Variants in CNTN5 observed in about 807,000 individuals in gnomAD.
CNTN5 encodes contactin 5, also known as contactin-5.
Under a neutral mutation model 129.1 loss-of-function variants are expected in CNTN5, and 77 were observed. That is an observed-to-expected ratio of 0.60 (90% CI 0.50 to 0.72). CNTN5 has a LOEUF of 0.72. CNTN5 is among the 30% of genes least tolerant of loss of function. The pLI is 0.00. For synonymous variants in CNTN5, 509 were observed against 465.6 expected (o/e 1.09, Z -1.20); for missense variants, 1,478 against 1,328.8 (o/e 1.11, Z -1.75).
intron 2 of CNTN5, among the ~76,000 whole-genome samples, chr11:99,455,659 A>C (rs1245607105): frequency 6.6e-6 from 1 of 152,132 alleles, no homozygotes; most frequent in Non-Finnish European, 1.5e-5. Flanking sequence ...TCTTGTCTGA[A>C]TGCTCTGTGC....
intron 2 of CNTN5, among the ~76,000 whole-genome samples, chr11:99,343,173 T>G (rs1866601157): frequency 6.6e-6 from 1 of 152,152 alleles, no homozygotes. Flanking sequence ...TGACGAATCT[T>G]TATCACCTGG....
chr11:100,095,014 A>G lies in CNTN5; in HGVS notation c.1580+20720A>G, dbSNP rs575108147. The stretch of plus-strand genomic sequence containing the variant: ...TAAAAATTACTTAAGCTAAGCAAAT[A>G]TAAAGCACTTTCACTCCAGTGAACT... On this transcript the variant is annotated intron_variant, in intron 13 of 24. Transcript: ENST00000524871. 2.0e-5 allele frequency among the ~76,000 whole-genome samples: 3 copies of G among 152,284 alleles called. No homozygotes were observed. In the South Asian group the frequency reaches 6.2e-4, roughly 32 times the overall value.
At chr11:99,259,026 A>G (rs532757419) in intron 1 of CNTN5, among the ~76,000 whole-genome samples, 1 of 151,816 alleles carries the variant, frequency 6.6e-6, no homozygotes, top group Non-Finnish European at 1.5e-5. Context: ...AAAGTATAGT[A>G]TTATTTTCGA....
intron 1 of CNTN5, among the ~76,000 whole-genome samples, chr11:99,144,387 G>A (rs1180254358): frequency 1.3e-5 from 2 of 152,150 alleles, no homozygotes; most frequent in African/African-American, 4.8e-5. Flanking sequence ...TATTTCATAA[G>A]AGAAGTTATT....
chr11:99,027,151 T>C (rs1591065389), intron 1 of CNTN5, among the ~76,000 whole-genome samples: 2 of 151,506 alleles, frequency 1.3e-5, no homozygotes, highest in African/African-American at 4.8e-5. Context: ...TTTAGAGTAT[T>C]ATAATGAAGT....
chr11:99,854,380 TG>T (rs1947968032), intron 6 of CNTN5, among the ~76,000 whole-genome samples: 1 of 152,202 alleles, frequency 6.6e-6, no homozygotes, highest in African/African-American at 2.4e-5. Flanking sequence ...AGAATAAGAA[TG>T]TTGCCTTAGG....
intron 9 of CNTN5, among the ~76,000 whole-genome samples, chr11:100,052,705 G>C (rs1943020546): frequency 6.6e-6 from 1 of 151,686 alleles, no homozygotes; most frequent in Non-Finnish European, 1.5e-5. Context: ...AATTTAGCAA[G>C]CTACTTCTGA....
At chr11:99,182,317 CAATA>C (rs760938042) in intron 1 of CNTN5, among the ~76,000 whole-genome samples, 30 of 152,106 alleles carry the variant, frequency 2.0e-4, no homozygotes, top group Admixed American at 7.9e-4. Flanking sequence ...AGCTACTCGA[CAATA>C]AAGAGGAATG....
chr11:100,091,482 G>A (rs376970409), intron 13 of CNTN5, among the ~76,000 whole-genome samples: 32 of 140,984 alleles, frequency 2.3e-4, no homozygotes, highest in Middle Eastern at 4.0e-3. Flanking sequence ...AGGCTAGAGC[G>A]TACTGGTGTA....
intron 2 of CNTN5, among the ~76,000 whole-genome samples, chr11:99,350,025 T>C (rs1282776203): frequency 1.3e-5 from 2 of 152,208 alleles, no homozygotes. Flanking sequence ...TGTGGAAGAA[T>C]ATTTTTTTCA....
intron 13 of CNTN5, among the ~76,000 whole-genome samples, chr11:100,164,947 A>T (rs1349366496): frequency 6.6e-6 from 1 of 151,848 alleles, no homozygotes; most frequent in African/African-American, 2.4e-5. Flanking sequence ...TAAAACCATA[A>T]AATATTGTAT....
chr11:100,120,118 A>T (rs1945967563), intron 13 of CNTN5, among the ~76,000 whole-genome samples: 2 of 151,808 alleles, frequency 1.3e-5, no homozygotes, highest in African/African-American at 4.8e-5. Context: ...ACTGCTACTT[A>T]TTTAGTCCCC....
chr11:99,967,856 C>T (rs756178425), intron 8 of CNTN5, among the ~76,000 whole-genome samples: 5 of 152,100 alleles, frequency 3.3e-5, no homozygotes, highest in African/African-American at 7.2e-5. Flanking sequence ...GAGTTCCCAG[C>T]ACAGTTGTTA....
chr11:100,021,607 G>A (rs375818502), intron 9 of CNTN5, among the ~76,000 whole-genome samples: 3 of 152,058 alleles, frequency 2.0e-5, no homozygotes, highest in Admixed American at 2.0e-4. Flanking sequence ...AATCAACTTT[G>A]TCTGATATTA....
At chr11:100,198,305 G>T (rs1948696485) in intron 15 of CNTN5, among the ~76,000 whole-genome samples, 1 of 151,932 alleles carries the variant, frequency 6.6e-6, no homozygotes. Context: ...AGACTAGAAA[G>T]AGATTAATGT....
intron 1 of CNTN5, among the ~76,000 whole-genome samples, chr11:99,205,050 T>C (rs7938511): frequency 0.14 from 22,019 of 152,064 alleles, 1,925 homozygotes; most frequent in East Asian, 0.34. Context: ...AAAAATCTTA[T>C]ATTTATTTTA....
chr11:99,196,189 A>C (rs1858892345), intron 1 of CNTN5, among the ~76,000 whole-genome samples: 1 of 152,004 alleles, frequency 6.6e-6, no homozygotes, highest in African/African-American at 2.4e-5. Context: ...TAGCTAAAAC[A>C]ATAATTAAAC....
rs1370775980 is a variant in CNTN5, at chr11:100,005,880, C to A, written c.980+3744C>A. Among the ~76,000 whole-genome samples the A allele has an allele frequency of 2.6e-5, 4 of 152,202 alleles. No homozygotes were observed. The East Asian group carries it at 7.7e-4, about 29-fold the overall frequency. On this transcript the variant is annotated intron_variant, in intron 9 of 24. Coordinates refer to ENST00000524871, the MANE Select transcript of CNTN5 (RefSeq NM_014361.4). ...TATTTTCAACTTTACCTGTTCCCAG[C>A]CTTAGCGGAGTAATTCACATTTCCT...
intron 9 of CNTN5, among the ~76,000 whole-genome samples, chr11:100,002,646 T>G (rs1375460578): frequency 6.6e-6 from 1 of 152,138 alleles, no homozygotes. Flanking sequence ...CATGTAATCA[T>G]TTCCCAAATG....
Sources: gnomAD v4.1 joint callset for allele counts (sites outside exome capture counted in the v4.1 genomes callset) on GRCh38, gnomAD v4.1.1 for gene constraint, MANE v1.5 for transcripts, NCBI Gene and HGNC (gene_info 2026-07-23, HGNC 2026-07-21) for gene names.